Variants in TRAPPC10 observed in about 807,000 individuals in gnomAD.
TRAPPC10 encodes the protein TRAPP 130 kDa subunit.
A neutral mutation model predicts 125.5 loss-of-function variants in TRAPPC10; 23 were observed. That is an observed-to-expected ratio of 0.18 (90% CI 0.13 to 0.26). The LOEUF is 0.26. TRAPPC10 is among the 10% of genes least tolerant of loss of function. The probability of loss-of-function intolerance (pLI) is 1.00; values close to 1 mark genes in which losing one functional copy is unlikely to be tolerated. For synonymous variants in TRAPPC10, 509 were observed against 518.0 expected, an observed-to-expected ratio of 0.98 and a Z score of 0.24; for missense variants, 1,123 against 1,308.4, an observed-to-expected ratio of 0.86 and a Z score of 2.19.
chr21:44,036,250 T>C (rs943107832), intron 2 of TRAPPC10, among the ~76,000 whole-genome samples: 1 of 152,170 alleles, frequency 6.6e-6, no homozygotes, highest in African/African-American at 2.4e-5. Context: ...AACAGAACCA[T>C]TTACAGTGCA....
Position 44,082,903 on chromosome 21 carries a change from C to T in TRAPPC10, c.1839C>T (p.Tyr613=), listed in dbSNP as rs946214854. ...GGVLCVEITM[Y]SQMPVPVHVE... is the part of the protein sequence containing the mutation. ...TTTTGTGCGTTGAGATAACCATGTACAGCCAGATGCCTGTGCCTGTTCACG... is the reference window on the plus strand; with the variant it reads ...TTTTGTGCGTTGAGATAACCATGTATAGCCAGATGCCTGTGCCTGTTCACG... Residue 613 remains tyrosine (Y), a synonymous_variant, in exon 14 of 23, where the codon TAC becomes TAT. Coordinates refer to ENST00000291574, the MANE Select transcript of TRAPPC10 (RefSeq NM_003274.5). The surrounding 1 kb of genome is among the most constrained non-coding windows in gnomAD (Gnocchi z 4.4). The T allele has an allele frequency of 1.2e-6, 2 of 1,614,034 alleles. No individual in the cohort carries two copies. The highest frequency in any genetic ancestry group is 1.7e-5 in the Admixed American group (1 of 60,002).
At position 44,052,355 on chromosome 21, in the gene TRAPPC10, G is replaced by A; in HGVS notation, c.361G>A (p.Val121Met). 6.2e-7 allele frequency: 1 copy of A among 1,613,902 alleles called. No individual in the cohort carries two copies. Among genetic ancestry groups the A allele is most frequent in the South Asian group, 1.1e-5 (1 of 90,982 alleles). Residue 121 changes from valine (V) to methionine (M), a missense_variant, in exon 4 of 23, where the codon GTG becomes ATG. Physicochemically the swap from Val to Met is conservative, Grantham distance 21. Coordinates refer to ENST00000291574, the MANE Select transcript of TRAPPC10 (RefSeq NM_003274.5). ...GAATGTTCTGAAGGCTCATAGCTCT[G>A]TGGACTGGTTAATAGTGATAGTTGA... ...WQNVLKAHSS[V>M]DWLIVIVEND... is the part of the protein sequence containing the mutation.
chr21:44,026,241 G>A (rs1005387898), intron 1 of TRAPPC10, among the ~76,000 whole-genome samples: 1 of 151,872 alleles, frequency 6.6e-6, no homozygotes, highest in African/African-American at 2.4e-5. Flanking sequence ...GGCTTTTCAC[G>A]GACAGATACT....
rs373546763 is a variant in TRAPPC10, at chr21:44,037,830, C to G, written c.188C>G (p.Ser63Cys). ...GRAPKMIHLE[S>C]NFVQFKEELL... ...GCTCCGAAGATGATTCACCTAGAGTCTAACTTTGTTCAATTCAAAGAGGAG... is the reference window on the plus strand; with the variant it reads ...GCTCCGAAGATGATTCACCTAGAGTGTAACTTTGTTCAATTCAAAGAGGAG... Residue 63 changes from serine to cysteine, a missense_variant, in exon 3 of 23, where the codon TCT (serine) becomes TGT (cysteine). Coordinates refer to ENST00000291574, the MANE Select transcript of TRAPPC10 (RefSeq NM_003274.5). The G allele has an allele frequency of 3.1e-6, 5 of 1,614,090 alleles. No homozygotes were observed. In the African/African-American group the frequency reaches 5.3e-5, roughly 17 times the overall value.
Position 44,012,529 on chromosome 21 carries a change from C to T in TRAPPC10, c.36C>T (p.Ile12=), listed in dbSNP as rs375296826. The T allele has an allele frequency of 1.8e-5, 28 of 1,535,666 alleles. No homozygotes were observed. The East Asian group carries it at 6.2e-4, about 34-fold the overall frequency. Residue 12 remains isoleucine, a synonymous_variant, in exon 1 of 23, where the codon ATC becomes ATT. Transcript: ENST00000291574. ...DASEEPLPPV[I]YTMENKPIVT... is the part of the protein sequence containing the mutation. Reference sequence around the variant, plus strand: ...CTGAGGAGCCGCTGCCGCCGGTGATCTACACCATGGAGAACAAGCCCATCG... The same window carrying T: ...CTGAGGAGCCGCTGCCGCCGGTGATTTACACCATGGAGAACAAGCCCATCG...
At chr21:44,051,985 T>C (rs892948706) in intron 3 of TRAPPC10, among the ~76,000 whole-genome samples, 21 of 152,194 alleles carry the variant, frequency 1.4e-4, no homozygotes, top group Non-Finnish European at 1.5e-5. Flanking sequence ...AGTATTGCTG[T>C]GGGCAGCTCA....
intron 3 of TRAPPC10, among the ~76,000 whole-genome samples, chr21:44,049,560 C>T (rs1019298956): frequency 6.6e-6 from 1 of 152,198 alleles, no homozygotes; most frequent in Middle Eastern, 3.2e-3. Flanking sequence ...GCCCTTTGTG[C>T]CCTGCTTGGC....
At chr21:44,017,222 A>G (rs2031967684) in intron 1 of TRAPPC10, among the ~76,000 whole-genome samples, 1 of 152,208 alleles carries the variant, frequency 6.6e-6, no homozygotes, top group Non-Finnish European at 1.5e-5. Flanking sequence ...GACTAAAGGC[A>G]CCAACAAATG....
Position 44,087,621 on chromosome 21 carries a change from G to A in TRAPPC10, c.2540-78G>A. On this transcript the variant is annotated intron_variant, in intron 16 of 22. Coordinates refer to ENST00000291574, the MANE Select transcript of TRAPPC10 (RefSeq NM_003274.5). The surrounding 1 kb of genome is among the most constrained non-coding windows in gnomAD (Gnocchi z 4.6). ...AGGTTGAGCAGTGGCCTCACTGCTG[G>A]GCCATCACCTGCTGTAAGGAAAAGG... 1.5e-6 allele frequency: 2 copies of A among 1,331,862 alleles called. No homozygotes were observed. The highest frequency in any genetic ancestry group is 2.1e-6 in the Non-Finnish European group (2 of 941,556). 82.5% of individuals were successfully genotyped at this position (1,331,862 alleles called of 1,614,324 possible). A position where few individuals can be genotyped will look rare whatever the true frequency, so the allele number is the denominator to read the frequency against.
chr21:44,025,765 A>G (rs1289910967), intron 1 of TRAPPC10, among the ~76,000 whole-genome samples: 3 of 151,532 alleles, frequency 2.0e-5, no homozygotes, highest in Non-Finnish European at 2.9e-5. Flanking sequence ...GACCCCACCT[A>G]CAGTGGGTAG....
rs1601673674 is a variant in TRAPPC10, at chr21:44,053,049, A to G, written c.482+573A>G. Among the ~76,000 whole-genome samples, 3 of 151,600 alleles carry G rather than the reference A, an allele frequency of 2.0e-5. No individual in the cohort carries two copies. The South Asian group carries it at 6.3e-4, about 32-fold the overall frequency. On this transcript the variant is annotated intron_variant, in intron 4 of 22. Coordinates refer to ENST00000291574, the MANE Select transcript of TRAPPC10 (RefSeq NM_003274.5). The stretch of plus-strand genomic sequence containing the variant: ...AGCCAGCCAGCACGTTAACTCCTCT[A>G]TAACCGATGGTCTGTATCTCGTAGC...
intron 7 of TRAPPC10, among the ~76,000 whole-genome samples, chr21:44,065,551 AT>A (rs2036382689): frequency 6.6e-6 from 1 of 152,104 alleles, no homozygotes; most frequent in South Asian, 2.1e-4. Flanking sequence ...TGAATGCTGG[AT>A]TTGAGGCAAG....
chr21:44,075,405 G>C, intron 9 of TRAPPC10, among the ~76,000 whole-genome samples: 1 of 152,140 alleles, frequency 6.6e-6, no homozygotes, highest in East Asian at 1.9e-4. Flanking sequence ...CTGGGCTTAA[G>C]GGACTTTATA....
At chr21:44,083,373 T>C (rs2037897102) in intron 14 of TRAPPC10, 71 bp downstream of exon 14, 1 of 1,524,690 alleles carries the variant, frequency 6.6e-7, no homozygotes, top group Admixed American at 2.0e-5. Flanking sequence ...AAGAACTGTC[T>C]GGAGTGTGCT....
rs1364513317 is a variant in TRAPPC10, at chr21:44,012,612, C to T, written c.67+52C>T. 2.0e-6 allele frequency: 3 copies of T among 1,487,018 alleles called. No homozygotes were observed. The East Asian group carries it at 7.8e-5, about 38-fold the overall frequency. The allele number at this position is 1,487,018 out of a possible 1,614,324, so 92.1% of individuals were successfully genotyped here. A position where few individuals can be genotyped will look rare whatever the true frequency, so the allele number is the denominator to read the frequency against. The stretch of plus-strand genomic sequence containing the variant: ...CGGCGGTCGTTGGGCGGGCCCGGGC[C>T]CTGGCGTTATGCACCCGGCGCCCCC... On this transcript the variant is annotated intron_variant, in intron 1 of 22. Coordinates refer to ENST00000291574, the MANE Select transcript of TRAPPC10 (RefSeq NM_003274.5).
chr21:44,026,323 C>T (rs2033067670), intron 1 of TRAPPC10, among the ~76,000 whole-genome samples: 1 of 152,146 alleles, frequency 6.6e-6, no homozygotes, highest in Non-Finnish European at 1.5e-5. Context: ...CATGAAAGAG[C>T]TCCCAATCTG....
chr21:44,081,569 T>TGTAAGTGAATAC (rs1166018343), intron 13 of TRAPPC10, among the ~76,000 whole-genome samples: 1 of 152,186 alleles, frequency 6.6e-6, no homozygotes, highest in African/African-American at 2.4e-5. Flanking sequence ...CCCAGATGCT[T>TGTAAGTGAATAC]GTAAGTGAAT....
Position 44,063,136 on chromosome 21 carries a change from G to T in TRAPPC10, c.791-402G>T. 4.6e-6 allele frequency: 6 copies of T among 1,306,914 alleles called. No homozygotes were observed. Among genetic ancestry groups the T allele is most frequent in the Non-Finnish European group, 6.0e-6 (6 of 992,184 alleles). 81.0% of individuals were successfully genotyped at this position (1,306,914 alleles called of 1,614,324 possible). ...TCTAAGGAAGACCAAAAAACACCAG[G>T]ATGGTCAGAGCAGGCTGCACTCCAG... On this transcript the variant is annotated intron_variant, in intron 6 of 22. Transcript: ENST00000291574. This position sits in a 1 kb window ranked among gnomAD's most constrained non-coding sequence, Gnocchi z 4.4.
At chr21:44,032,232 G>T in intron 2 of TRAPPC10, 60 bp downstream of exon 2, 1 of 1,362,218 alleles carries the variant, frequency 7.3e-7, no homozygotes, top group Non-Finnish European at 1.0e-6. Flanking sequence ...TGAAGTACAT[G>T]TTTTTAAATA....
Sources: allele counts gnomAD v4.1 joint callset (sites outside exome capture counted in the v4.1 genomes callset), GRCh38; gene constraint gnomAD v4.1.1; non-coding constraint Gnocchi (gnomAD v3.1); transcripts MANE v1.5; gene names NCBI Gene and HGNC (gene_info 2026-07-23, HGNC 2026-07-21).